Variants in RERE observed in about 807,000 individuals in gnomAD.
The protein encoded by RERE is arginine-glutamic acid dipeptide repeats.
A neutral mutation model predicts 146.1 loss-of-function variants in RERE; 40 were observed. The observed-to-expected ratio is 0.27, with a 90% CI of 0.21 to 0.36. The LOEUF (loss-of-function observed/expected upper bound fraction) is 0.36. Among genes scored for constraint, RERE ranks in the 10% least tolerant of loss-of-function variants. The probability of loss-of-function intolerance (pLI) is 1.00; values close to 1 mark genes in which losing one functional copy is unlikely to be tolerated. For missense variants in RERE, 1,933 were observed against 2,138.7 expected, an observed-to-expected ratio of 0.90 and a Z score of 1.90; for synonymous variants, 1,003 against 866.0, an observed-to-expected ratio of 1.16 and a Z score of -2.78.
At chr1:8,786,978 G>C in intron 1 of RERE, 2 of 621,902 alleles carry the variant, frequency 3.2e-6, no homozygotes, top group Non-Finnish European at 5.7e-6. Context: ...TCACACAGCA[G>C]CCAAAGTGAT....
chr1:8,606,439 A>G (rs1455855977), intron 4 of RERE, among the ~76,000 whole-genome samples: 1 of 152,216 alleles, frequency 6.6e-6, no homozygotes, highest in Non-Finnish European at 1.5e-5. Flanking sequence ...TACTTTAAAA[A>G]AAAATTACCA....
chr1:8,813,472 G>C (rs1641851185), intron 1 of RERE, among the ~76,000 whole-genome samples: 1 of 152,036 alleles, frequency 6.6e-6, no homozygotes, highest in Non-Finnish European at 1.5e-5. Context: ...ATAATATTCA[G>C]CATATACAGG....
At chr1:8,673,568 G>A (rs937208234) in intron 1 of RERE, among the ~76,000 whole-genome samples, 1 of 152,110 alleles carries the variant, frequency 6.6e-6, no homozygotes, top group Non-Finnish European at 1.5e-5. Context: ...TATGTCATGG[G>A]TTTTCAACAT....
chr1:8,531,630 C>G (rs1645655255), intron 7 of RERE, among the ~76,000 whole-genome samples: 1 of 152,044 alleles, frequency 6.6e-6, no homozygotes, highest in Non-Finnish European at 1.5e-5. Context: ...GCTATTGTTT[C>G]TGGTTTCAGA....
intron 10 of RERE, among the ~76,000 whole-genome samples, chr1:8,476,658 A>T (rs1644760426): frequency 6.6e-6 from 1 of 152,230 alleles, no homozygotes; most frequent in African/African-American, 2.4e-5. Flanking sequence ...CAACCAGTAT[A>T]ATATGATTAA....
At chr1:8,816,576 T>C (rs1641916478) in intron 1 of RERE, among the ~76,000 whole-genome samples, 1 of 152,170 alleles carries the variant, frequency 6.6e-6, no homozygotes, top group South Asian at 2.1e-4. Context: ...ACTACGAATC[T>C]TTCCATCATC....
chr1:8,605,787 A>G (rs796368160), intron 4 of RERE, among the ~76,000 whole-genome samples: 29 of 143,476 alleles, frequency 2.0e-4, no homozygotes, highest in African/African-American at 6.9e-4. Context: ...AAAAAAAGTG[A>G]TAATAGATTA....
chr1:8,559,597 A>G (rs991912477), intron 4 of RERE, among the ~76,000 whole-genome samples: 4 of 152,196 alleles, frequency 2.6e-5, no homozygotes, highest in Admixed American at 6.5e-5. Flanking sequence ...TGTTACATGT[A>G]GCAGTTTAGA....
intron 7 of RERE, among the ~76,000 whole-genome samples, chr1:8,530,127 C>T (rs558686261): frequency 2.0e-5 from 3 of 152,298 alleles, no homozygotes; most frequent in African/African-American, 7.2e-5. Flanking sequence ...TTGCCAACTG[C>T]CAAGGCCTTC....
chr1:8,589,550 T>G (rs751512889), intron 4 of RERE, among the ~76,000 whole-genome samples: 1 of 152,248 alleles, frequency 6.6e-6, no homozygotes, highest in Non-Finnish European at 1.5e-5. Flanking sequence ...ATGCATTCAT[T>G]TGGCGCCCTA....
chr1:8,373,115 TC>T (rs1351727989), intron 12 of RERE, among the ~76,000 whole-genome samples: 1 of 152,224 alleles, frequency 6.6e-6, no homozygotes, highest in African/African-American at 2.4e-5. Context: ...TGAGTGCACA[TC>T]CTTGTACGCA....
In RERE at chr1:8,360,815, G is replaced by C; in HGVS notation, c.2692C>G (p.Leu898Val). 1.3e-6 allele frequency: 2 copies of C among 1,565,348 alleles called. No individual in the cohort carries two copies. Among genetic ancestry groups the C allele is most frequent in the South Asian group, 1.1e-5 (1 of 87,962 alleles). Residue 898 changes from leucine to valine, a missense_variant, in exon 18 of 23, where the codon CTG (leucine) becomes GTG (valine). Physicochemically the swap from Leu to Val is conservative, Grantham distance 32. Coordinates refer to ENST00000400908, the MANE Select transcript of RERE (RefSeq NM_001042681.2). ...GCTGACTGAGAGGCTGGCAGCTGCA[G>C]GGAGGTGTGAGGGTACGCTGCTGCT... is the stretch of plus-strand genomic sequence containing the variant. ...SPAAAYPHTSLQLPASQSALQ... is the reference protein window; with the variant it reads ...SPAAAYPHTSVQLPASQSALQ...
chr1:8,502,647 G>A (rs1645189510), intron 8 of RERE, among the ~76,000 whole-genome samples: 1 of 150,020 alleles, frequency 6.7e-6, no homozygotes, highest in Non-Finnish European at 1.5e-5. Context: ...GAATAGAAAG[G>A]CGGGAAGGGT....
At chr1:8,482,653 G>A (rs1570313503) in intron 10 of RERE, among the ~76,000 whole-genome samples, 1 of 124,472 alleles carries the variant, frequency 8.0e-6, no homozygotes, top group Non-Finnish European at 1.6e-5. Context: ...CTGCACTCGA[G>A]CCTGGGCAAC....
intron 1 of RERE, among the ~76,000 whole-genome samples, chr1:8,699,608 G>A (rs957742409): frequency 3.3e-5 from 5 of 152,172 alleles, no homozygotes; most frequent in African/African-American, 9.7e-5. Flanking sequence ...TAACCTGTTT[G>A]AATTGGATGT....
At chr1:8,806,092 TC>T (rs1641687894) in intron 1 of RERE, among the ~76,000 whole-genome samples, 1 of 151,984 alleles carries the variant, frequency 6.6e-6, no homozygotes, top group Non-Finnish European at 1.5e-5. Flanking sequence ...CCTCAGGCAA[TC>T]CGCCCGTGTT....
chr1:8,573,736 A>T (rs939764504), intron 4 of RERE, among the ~76,000 whole-genome samples: 2 of 152,246 alleles, frequency 1.3e-5, no homozygotes, highest in African/African-American at 4.8e-5. Context: ...CTTACTAAGT[A>T]ATTTAAATAT....
intron 11 of RERE, among the ~76,000 whole-genome samples, chr1:8,435,189 C>T (rs1644151978): frequency 6.6e-6 from 1 of 152,202 alleles, no homozygotes; most frequent in African/African-American, 2.4e-5. Flanking sequence ...CTCTCTATAA[C>T]CTTACTCTGC....
chr1:8,602,902 G>A (rs1646651375), intron 4 of RERE, among the ~76,000 whole-genome samples: 1 of 152,136 alleles, frequency 6.6e-6, no homozygotes, highest in South Asian at 2.1e-4. Flanking sequence ...ATGGATAGGG[G>A]GCAATTTCTC....
Sources: gnomAD v4.1 joint callset for allele counts (sites outside exome capture counted in the v4.1 genomes callset) on GRCh38, gnomAD v4.1.1 for gene constraint, MANE v1.5 for transcripts, NCBI Gene and HGNC (gene_info 2026-07-23, HGNC 2026-07-21) for gene names.